The following POTEI variants were observed in gnomAD, a reference collection of about 807,000 sequenced individuals.
POTEI encodes the protein POTE ankyrin domain family member I.
POTEI carries 14 observed loss-of-function variants against 43.4 expected under a neutral mutation model. The ratio of observed to expected loss-of-function variants is 0.32; its 90% confidence interval spans 0.21 to 0.50. POTEI has a LOEUF of 0.50. POTEI is among the 20% of genes least tolerant of loss of function. POTEI has a pLI of 0.98. For synonymous variants in POTEI, 95 were observed against 297.9 expected (o/e 0.32, Z 7.01); for missense variants, 235 against 795.4 (o/e 0.30, Z 8.47).
intron 1 of POTEI, among the ~76,000 whole-genome samples, chr2:130,505,131 T>C (rs4850141): frequency 1.1e-3 from 159 of 149,642 alleles, no homozygotes; most frequent in Middle Eastern, 3.4e-3. Flanking sequence ...TGTGTTCTCA[T>C]CATTTAGCTC....
chr2:130,460,397 A>C lies in POTEI; in HGVS notation c.*2419T>G, dbSNP rs1682586179. On this transcript the variant is annotated 3_prime_UTR_variant, in exon 15 of 15. Coordinates refer to ENST00000451531, the MANE Select transcript of POTEI (RefSeq NM_001277406.2). ...TTTAAAAAGGGAACTCTCGGACCTG[A>C]TCTCTGCTGGGCAATCTTGCATATA... The C allele has an allele frequency of 6.6e-6, 1 of 151,942 alleles. No homozygotes were observed. The highest frequency in any genetic ancestry group is 1.5e-5 in the Non-Finnish European group (1 of 68,026). 9.4% of individuals were successfully genotyped at this position (151,942 alleles called of 1,614,324 possible). A position where few individuals can be genotyped will look rare whatever the true frequency, so the allele number is the denominator to read the frequency against.
At chr2:130,479,982 C>A (rs1250860443) in intron 10 of POTEI, among the ~76,000 whole-genome samples, 1 of 43,560 alleles carries the variant, frequency 2.3e-5, no homozygotes, top group Non-Finnish European at 4.5e-5. Context: ...TGTGACCCAG[C>A]CAATGAAATG....
chr2:130,463,590 C>T lies in POTEI; in HGVS notation c.2454G>A (p.Lys818=), dbSNP rs1682728037. 1.9e-6 allele frequency: 3 copies of T among 1,595,416 alleles called. No homozygotes were observed. The highest frequency in any genetic ancestry group is 1.7e-4 in the Middle Eastern group (1 of 5,970). Reference sequence around the variant, plus strand: ...AGGTCTCAAACATGATCTGGGTCATCTTCTCGCGGTTGGCCTTGGGGTTCA... The same window carrying T: ...AGGTCTCAAACATGATCTGGGTCATTTTCTCGCGGTTGGCCTTGGGGTTCA... ...APLNPKANRE[K]MTQIMFETFN... is the part of the protein sequence containing the mutation. Residue 818 remains lysine (K), a synonymous_variant, in exon 15 of 15, where the codon AAG becomes AAA. Coordinates refer to ENST00000451531, the MANE Select transcript of POTEI (RefSeq NM_001277406.2).
chr2:130,477,372 G>T (rs1409159185), intron 10 of POTEI, among the ~76,000 whole-genome samples: 5 of 147,208 alleles, frequency 3.4e-5, no homozygotes, highest in Non-Finnish European at 1.5e-5. Context: ...GGATGGTCTC[G>T]ATCTCCTGAC....
chr2:130,477,085 G>A (rs1683217081), intron 10 of POTEI, among the ~76,000 whole-genome samples: 3 of 150,288 alleles, frequency 2.0e-5, no homozygotes, highest in Non-Finnish European at 4.4e-5. Context: ...CTTTATTAGT[G>A]TACAACGTCT....
At chr2:130,483,421 CATA>C in intron 9 of POTEI, among the ~76,000 whole-genome samples, 1 of 136,240 alleles carries the variant, frequency 7.3e-6, no homozygotes, top group South Asian at 2.6e-4. Flanking sequence ...CTCAGTTTAC[CATA>C]ATTACAATTA....
chr2:130,495,867 A>C (rs2105113864), intron 6 of POTEI, among the ~76,000 whole-genome samples: 1 of 46,246 alleles, frequency 2.2e-5, no homozygotes, highest in African/African-American at 4.8e-5. Flanking sequence ...TCAAATGAGG[A>C]GGAATGAAGT....
chr2:130,508,902 T>C lies in POTEI; in HGVS notation c.334A>G (p.Ser112Gly). 6.3e-7 allele frequency: 1 copy of C among 1,591,428 alleles called. No homozygotes were observed. The highest frequency in any genetic ancestry group is 8.5e-7 in the Non-Finnish European group (1 of 1,172,732). ...CCHCFPCCRGSGKSNVGAWGD... is the reference protein window; with the variant it reads ...CCHCFPCCRGGGKSNVGAWGD... ...CAAGCACCCACGTTGCTCTTGCCGC[T>C]CCCCCTGCAGCAGGGGAAGCAGTGG... Residue 112 changes from serine (S) to glycine (G), a missense_variant, in exon 1 of 15, where the codon AGC becomes GGC. Physicochemically the swap from Ser to Gly is moderately conservative, Grantham distance 56. Transcript: ENST00000451531.
chr2:130,482,843 A>G (rs1040535169), intron 9 of POTEI, among the ~76,000 whole-genome samples: 4 of 139,626 alleles, frequency 2.9e-5, no homozygotes, highest in Non-Finnish European at 6.1e-5. Context: ...TGGACCAATG[A>G]TCCTTCTCTA....
chr2:130,482,368 A>T (rs1683419633), intron 9 of POTEI, among the ~76,000 whole-genome samples: 3 of 149,640 alleles, frequency 2.0e-5, no homozygotes, highest in Admixed American at 6.6e-5. Flanking sequence ...CTAGCTCCAT[A>T]ATGAACAGCT....
Position 130,463,660 on chromosome 2 carries a change from C to G in POTEI, c.2384G>C (p.Arg795Pro), listed in dbSNP as rs779850749. Reference sequence around the variant, plus strand: ...GATGGGGTGCTCCTCAGGGGCCACACGCAGCTCGTTGTAGAAGGTGTGGTG... The same window carrying G: ...GATGGGGTGCTCCTCAGGGGCCACAGGCAGCTCGTTGTAGAAGGTGTGGTG... ...IWHHTFYNELRVAPEEHPILL... is the reference protein window; with the variant it reads ...IWHHTFYNELPVAPEEHPILL... Residue 795 changes from arginine to proline, a missense_variant, in exon 15 of 15, where the codon CGT becomes CCT. Transcript: ENST00000451531. 1 of 1,607,444 alleles carries G rather than the reference C, an allele frequency of 6.2e-7. No individual in the cohort carries two copies. Among genetic ancestry groups the G allele is most frequent in the East Asian group, 2.3e-5 (1 of 42,944 alleles).
rs187506065 is a variant in POTEI, at chr2:130,504,829, T to C, written c.522-935A>G. Among the ~76,000 whole-genome samples the C allele has an allele frequency of 3.2e-3, 466 of 146,592 alleles. 24 individuals carry two copies. The highest frequency in any genetic ancestry group is 0.011 in the African/African-American group (453 of 39,980). The stretch of plus-strand genomic sequence containing the variant: ...TATACAATGTATGTACATCAGATAT[T>C]TCCAATCATTCATATTAGGATTTAA... On this transcript the variant is annotated intron_variant, in intron 1 of 14. Coordinates refer to ENST00000451531, the MANE Select transcript of POTEI (RefSeq NM_001277406.2).
intron 9 of POTEI, among the ~76,000 whole-genome samples, chr2:130,486,930 T>C (rs1287780466): frequency 8.6e-6 from 1 of 116,622 alleles, no homozygotes; most frequent in African/African-American, 3.1e-5. Context: ...CAGATCCCCA[T>C]GTACAATCCC....
At chr2:130,468,514 GAA>G in intron 13 of POTEI, among the ~76,000 whole-genome samples, 1 of 151,896 alleles carries the variant, frequency 6.6e-6, no homozygotes, top group South Asian at 2.1e-4. Flanking sequence ...GGGAGAGAGA[GAA>G]GAGAGAAGTG....
At position 130,509,281 on chromosome 2, in the gene POTEI, G is replaced by C; in HGVS notation, c.-46C>G. 1 of 885,844 alleles carries C rather than the reference G, an allele frequency of 1.1e-6. No individual in the cohort carries two copies. Among genetic ancestry groups the C allele is most frequent in the South Asian group, 1.7e-5 (1 of 58,482 alleles). The allele number at this position is 885,844 out of a possible 1,614,324, so 54.9% of individuals were successfully genotyped here. On this transcript the variant is annotated 5_prime_UTR_variant, in exon 1 of 15. Coordinates refer to ENST00000451531, the MANE Select transcript of POTEI (RefSeq NM_001277406.2). Reference sequence around the variant, plus strand: ...AGGCCGGTAGTAGCGAGCAGATCACGTCTACCAACCAGTTTCACCAACTAG... The same window carrying C: ...AGGCCGGTAGTAGCGAGCAGATCACCTCTACCAACCAGTTTCACCAACTAG...
intron 7 of POTEI, among the ~76,000 whole-genome samples, chr2:130,490,216 TC>T (rs1683692111): frequency 1.0e-5 from 1 of 99,902 alleles, no homozygotes; most frequent in African/African-American, 3.6e-5. Context: ...TCAGGGACCA[TC>T]AGAGTTACAT....
chr2:130,467,714 C>T (rs1233217226), intron 13 of POTEI, among the ~76,000 whole-genome samples: 2 of 152,088 alleles, frequency 1.3e-5, no homozygotes, highest in African/African-American at 2.4e-5. Flanking sequence ...AATTATGACG[C>T]TAACAAACGA....
At position 130,509,030 on chromosome 2, in the gene POTEI, A is replaced by G. The variant is rs1237645805; in HGVS notation, c.206T>C (p.Phe69Ser). The change falls in exon 1 of 15, where the codon TTC (phenylalanine) becomes TCC (serine). Residue 69 changes from phenylalanine (F) to serine (S), a missense_variant. Coordinates refer to ENST00000451531, the MANE Select transcript of POTEI (RefSeq NM_001277406.2). ...CTTGCCACTCCCCCTGCAGCAGGGG[A>G]AGCAGTGGCAGCACCACTTGCCCAT... ...SKMGKWCCHC[F>S]PCCRGSGKSN... The G allele has an allele frequency of 1.3e-6, 2 of 1,518,448 alleles. No individual in the cohort carries two copies. Among genetic ancestry groups the G allele is most frequent in the Non-Finnish European group, 1.8e-6 (2 of 1,108,288 alleles). 94.1% of individuals were successfully genotyped at this position (1,518,448 alleles called of 1,614,324 possible).
intron 10 of POTEI, among the ~76,000 whole-genome samples, chr2:130,478,700 A>G (rs1683289960): frequency 9.7e-6 from 1 of 102,854 alleles, no homozygotes; most frequent in East Asian, 2.9e-4. Flanking sequence ...TGTGACTCAC[A>G]CAGGTCATGG....
Sources: allele counts gnomAD v4.1 joint callset (sites outside exome capture counted in the v4.1 genomes callset), GRCh38; gene constraint gnomAD v4.1.1; transcripts MANE v1.5; gene names NCBI Gene and HGNC (gene_info 2026-07-23, HGNC 2026-07-21).